The following LYST variants were observed in gnomAD, a reference collection of about 807,000 sequenced individuals.
LYST encodes lysosomal-trafficking regulator.
A neutral mutation model predicts 413.6 loss-of-function variants in LYST; 192 were observed. That is an observed-to-expected ratio of 0.46 (90% CI 0.41 to 0.52). The LOEUF is 0.52. Among genes scored for constraint, LYST ranks in the 20% least tolerant of loss-of-function variants. LYST has a pLI of 0.00. For missense variants in LYST, 3,815 were observed against 4,499.9 expected, an observed-to-expected ratio of 0.85 and a Z score of 4.35; for synonymous variants, 1,525 against 1,567.3, an observed-to-expected ratio of 0.97 and a Z score of 0.64.
intron 3 of LYST, chr1:235,827,848 A>G (rs1675505562): frequency 2.5e-6 from 2 of 792,282 alleles, no homozygotes; most frequent in Non-Finnish European, 1.5e-6. Flanking sequence ...TCTATTTACC[A>G]TATATACAAA....
chr1:235,702,592 C>T (rs114406940), intron 45 of LYST, among the ~76,000 whole-genome samples, 155 bp downstream of exon 45: 2,085 of 152,316 alleles, frequency 0.014, 49 homozygotes, highest in African/African-American at 0.046. Flanking sequence ...GCATTTACCT[C>T]GCACAGGATT....
Position 235,702,942 on chromosome 1 carries a change from A to G in LYST, c.10179T>C (p.Asp3393=), listed in dbSNP as rs1572032401. 4 of 1,614,178 alleles carry G rather than the reference A, an allele frequency of 2.5e-6. No homozygotes were observed. Among genetic ancestry groups the G allele is most frequent in the Non-Finnish European group, 2.5e-6 (3 of 1,180,014 alleles). The change falls in exon 45 of 53, where the codon GAT becomes GAC. Residue 3393 remains aspartate, a synonymous_variant. Coordinates refer to ENST00000389793, the MANE Select transcript of LYST (RefSeq NM_000081.4). ...TTTCTAGCGCTCGTCTCTGAACTGG[A>G]TCTTCAACTGCAGAGACATCCATTC... is the stretch of plus-strand genomic sequence containing the variant. ...YFGMDVSAVE[D]PVQRRALETM... is the part of the protein sequence containing the mutation.
rs771794522 is a variant in LYST, at chr1:235,762,707, T to C, written c.6253+13A>G. The stretch of plus-strand genomic sequence containing the variant: ...AAATGAGAAGGTCATACTTCCATTA[T>C]TGCTATTTTTACCTTCATATGGTGA... On this transcript the variant is annotated intron_variant, in intron 22 of 52. Coordinates refer to ENST00000389793, the MANE Select transcript of LYST (RefSeq NM_000081.4). 1.9e-6 allele frequency: 3 copies of C among 1,611,802 alleles called. No homozygotes were observed. Among genetic ancestry groups the C allele is most frequent in the Middle Eastern group, 1.7e-4 (1 of 6,048 alleles).
intron 6 of LYST, among the ~76,000 whole-genome samples, 200 bp downstream of exon 6, chr1:235,805,539 ATGTG>A (rs149137664): frequency 5.3e-5 from 8 of 151,264 alleles, no homozygotes; most frequent in South Asian, 2.1e-4. Flanking sequence ...CACTTATAAA[ATGTG>A]TGTGTGTGTA....
rs1049544989 is a variant in LYST, at chr1:235,693,443, G to A, written c.10608C>T (p.Ile3536=). 1 of 1,612,984 alleles carries A rather than the reference G, an allele frequency of 6.2e-7. No homozygotes were observed. Among genetic ancestry groups the A allele is most frequent in the Non-Finnish European group, 8.5e-7 (1 of 1,179,086 alleles). The change falls in exon 47 of 53, where the codon ATC becomes ATT. Residue 3536 remains isoleucine (I), a synonymous_variant. Transcript: ENST00000389793. ...TATTATCAGCATATCCCCAGCTCAG[G>A]ATGGCTGACCACTGAATGTCCGTAC... ...MNSTDIQWSA[I]LSWGYADNIL... is the part of the protein sequence containing the mutation.
intron 1 of LYST, among the ~76,000 whole-genome samples, chr1:235,855,170 T>A (rs186062091): frequency 5.3e-5 from 8 of 152,288 alleles, no homozygotes; most frequent in Admixed American, 5.2e-4. Context: ...ATTGTTTCTT[T>A]TAAAACTAGA....
intron 29 of LYST, among the ~76,000 whole-genome samples, chr1:235,745,738 C>T (rs1665856735): frequency 6.6e-6 from 1 of 152,132 alleles, no homozygotes; most frequent in African/African-American, 2.4e-5. Context: ...ATGCAACAAC[C>T]AGAATGACTC....
rs560280112 is a variant in LYST at position 235,848,850 on chromosome 1, A to G, written c.-97-15183T>C. Among the ~76,000 whole-genome samples, 6 of 152,210 alleles carry G rather than the reference A, an allele frequency of 3.9e-5. No individual in the cohort carries two copies. The East Asian group carries it at 5.8e-4, about 15-fold the overall frequency. ...AGGAAGAATGAGATACCCTGAACAG[A>G]CCCAGCGAGATTGAAATGGTAATTT... On this transcript the variant is annotated intron_variant, in intron 1 of 52. Coordinates refer to ENST00000389793, the MANE Select transcript of LYST (RefSeq NM_000081.4).
chr1:235,701,223 G>C lies in LYST; in HGVS notation c.10374+1524C>G, dbSNP rs1661518835. Among the ~76,000 whole-genome samples, 12 of 152,308 alleles carry C rather than the reference G, an allele frequency of 7.9e-5. No individual in the cohort carries two copies. In the South Asian group the frequency reaches 2.3e-3, roughly 29 times the overall value. On this transcript the variant is annotated intron_variant, in intron 45 of 52. Transcript: ENST00000389793. ...TGGTACCATGTTCCCACTGCGAGCAGACATACTGCTCAGATACAACTTTAA... is the reference window on the plus strand; with the variant it reads ...TGGTACCATGTTCCCACTGCGAGCACACATACTGCTCAGATACAACTTTAA...
chr1:235,873,934 G>A lies in LYST; in HGVS notation n.454+9253C>T, dbSNP rs138702663. On this transcript the variant is annotated intron_variant and non_coding_transcript_variant, in intron 1 of 11. Transcript: ENST00000465349. ...AGCAGATTAAAAATTACAAGGACTC[G>A]CTAAAACTCATGGTCTCTCATTCAG... Among the ~76,000 whole-genome samples, 227 of 152,244 alleles carry A rather than the reference G, an allele frequency of 1.5e-3. 4 individuals are homozygous for A. The East Asian group carries it at 0.031, about 21-fold the overall frequency.
chr1:235,838,890 G>A (rs1043412988), intron 1 of LYST, among the ~76,000 whole-genome samples: 1 of 152,128 alleles, frequency 6.6e-6, no homozygotes, highest in Non-Finnish European at 1.5e-5. Flanking sequence ...TTTGTTCTCT[G>A]TATCTGATTA....
chr1:235,848,456 C>A (rs1040252322), intron 1 of LYST, among the ~76,000 whole-genome samples: 1 of 151,816 alleles, frequency 6.6e-6, no homozygotes, highest in African/African-American at 2.4e-5. Context: ...TAAGGTCACA[C>A]CTCAAGGAAC....
intron 40 of LYST, among the ~76,000 whole-genome samples, chr1:235,719,075 G>C (rs1663100542): frequency 6.6e-6 from 1 of 152,164 alleles, no homozygotes; most frequent in South Asian, 2.1e-4. Flanking sequence ...CTGGGGTGCA[G>C]TGGTGCAATC....
Position 235,864,750 on chromosome 1 carries a change from T to C in LYST, c.-98+2093A>G, listed in dbSNP as rs145363852. Among the ~76,000 whole-genome samples the C allele has an allele frequency of 7.2e-3, 1,092 of 152,228 alleles. 11 individuals carry two copies. Among genetic ancestry groups the C allele is most frequent in the African/African-American group, 0.025 (1,044 of 41,540 alleles). On this transcript the variant is annotated intron_variant, in intron 1 of 52. Transcript: ENST00000389793. The stretch of plus-strand genomic sequence containing the variant: ...AGTTTGAGACCAGCCTGGGCAACAA[T>C]GGCGAAACCCCATCTTTACAAAAAA...
chr1:235,738,571 G>C (rs1485863496), intron 31 of LYST: 2 of 1,610,632 alleles, frequency 1.2e-6, no homozygotes, highest in Admixed American at 3.3e-5. Flanking sequence ...TGAGTCCTTG[G>C]GGAACATGGA....
intron 11 of LYST, among the ~76,000 whole-genome samples, chr1:235,792,918 C>G (rs1321286973): frequency 1.3e-5 from 2 of 152,124 alleles, no homozygotes. Flanking sequence ...CCCACCTAGG[C>G]CTCACAAAGT....
chr1:235,857,932 G>A (rs557427656), intron 1 of LYST, among the ~76,000 whole-genome samples: 11 of 152,030 alleles, frequency 7.2e-5, no homozygotes, highest in Non-Finnish European at 1.5e-4. Context: ...ATTGTTATTC[G>A]ATTTTATCCA....
chr1:235,781,020 A>G lies in LYST; in HGVS notation c.5059T>C (p.Tyr1687His). ...KVGSQEAFYL[Y>H]ACGPNHTSVM... is the part of the protein sequence containing the mutation. ...GATGTATGGTTGGGTCCACAAGCAT[A>G]CAGATAAAAGGCCTCTTGTGAACCA... Residue 1687 changes from tyrosine to histidine, a missense_variant, in exon 16 of 53, where the codon TAT (tyrosine) becomes CAT (histidine). Physicochemically the swap from Tyr to His is moderately conservative, Grantham distance 83. Coordinates refer to ENST00000389793, the MANE Select transcript of LYST (RefSeq NM_000081.4). 4 of 1,612,516 alleles carry G rather than the reference A, an allele frequency of 2.5e-6. No homozygotes were observed. The highest frequency in any genetic ancestry group is 3.4e-6 in the Non-Finnish European group (4 of 1,179,024).
intron 3 of LYST, among the ~76,000 whole-genome samples, chr1:235,821,618 G>A (rs921082746): frequency 1.3e-5 from 2 of 152,144 alleles, no homozygotes; most frequent in Non-Finnish European, 2.9e-5. Context: ...TCTTGAATTA[G>A]ACCAGGAATT....
Sources: gnomAD v4.1 joint callset for allele counts (sites outside exome capture counted in the v4.1 genomes callset) on GRCh38, gnomAD v4.1.1 for gene constraint, MANE v1.5 for transcripts, NCBI Gene and HGNC (gene_info 2026-07-23, HGNC 2026-07-21) for gene names.